SLC17A3: variants seen among roughly 807,000 people sequenced by gnomAD.
The protein encoded by SLC17A3 is sodium-dependent phosphate transport protein 4.
A neutral mutation model predicts 60.3 loss-of-function variants in SLC17A3; 61 were observed. The ratio of observed to expected loss-of-function variants is 1.01; its 90% CI spans 0.82 to 1.25. SLC17A3 has a LOEUF of 1.25. Among genes scored for constraint, SLC17A3 ranks in the 50% most tolerant of loss-of-function variants. The pLI is 0.00. For synonymous variants in SLC17A3, 192 were observed against 208.9 expected, an observed-to-expected ratio of 0.92 and a Z score of 0.70; for missense variants, 624 against 594.9, an observed-to-expected ratio of 1.05 and a Z score of -0.51.
chr6:25,853,767 C>T (rs1327928347), intron 6 of SLC17A3, among the ~76,000 whole-genome samples: 3 of 152,114 alleles, frequency 2.0e-5, no homozygotes, highest in Admixed American at 6.5e-5. Context: ...TTTAGGTTTA[C>T]TTAAATCATC....
intron 11 of SLC17A3, among the ~76,000 whole-genome samples, chr6:25,846,955 T>C (rs1238690742): frequency 1.3e-5 from 2 of 152,170 alleles, no homozygotes; most frequent in East Asian, 1.9e-4. Flanking sequence ...TAGAGGCACA[T>C]GTGCAGTTGT....
At chr6:25,859,457 C>G (rs751592001) in intron 5 of SLC17A3, among the ~76,000 whole-genome samples, 1 of 152,122 alleles carries the variant, frequency 6.6e-6, no homozygotes, top group Non-Finnish European at 1.5e-5. Context: ...CTTATTTTCC[C>G]CCCTAAAAAG....
At chr6:25,872,006 C>A (rs1010794859) in intron 1 of SLC17A3, among the ~76,000 whole-genome samples, 1 of 151,978 alleles carries the variant, frequency 6.6e-6, no homozygotes, top group African/African-American at 2.4e-5. Flanking sequence ...CTGGAACCAA[C>A]TCACTTGGGG....
chr6:25,855,636 C>T (rs1459456731), intron 5 of SLC17A3, among the ~76,000 whole-genome samples: 1 of 151,978 alleles, frequency 6.6e-6, no homozygotes, highest in Non-Finnish European at 1.5e-5. Context: ...TTCTTTTCTG[C>T]ACACATAAAT....
Position 25,850,047 on chromosome 6 carries a change from C to A in SLC17A3, c.1123+1G>T. On this transcript the variant is annotated splice_donor_variant, in intron 9 of 12. Coordinates refer to ENST00000397060, the MANE Select transcript of SLC17A3 (RefSeq NM_001098486.2). LOFTEE classifies it high-confidence loss of function. The stretch of plus-strand genomic sequence containing the variant: ...ATCTGACCCTCAAGCTCTGTTCTTA[C>A]CTAAAATTGTGGCAATTTTCCTCAC... 6.2e-7 allele frequency: 1 copy of A among 1,613,882 alleles called. No individual in the cohort carries two copies. Among genetic ancestry groups the A allele is most frequent in the South Asian group, 1.1e-5 (1 of 91,076 alleles).
intron 1 of SLC17A3, among the ~76,000 whole-genome samples, chr6:25,873,518 C>A (rs9467626): frequency 0.071 from 10,850 of 152,126 alleles, 423 homozygotes; most frequent in Non-Finnish European, 0.087. Context: ...TGAGGACTCC[C>A]TGATTCCCTC....
chr6:25,845,753 A>C (rs1765164375), intron 11 of SLC17A3, among the ~76,000 whole-genome samples: 1 of 152,214 alleles, frequency 6.6e-6, no homozygotes, highest in Admixed American at 6.5e-5. Flanking sequence ...TATTTATCCA[A>C]GTGCCATACA....
At chr6:25,855,025 G>T (rs1212497395) in intron 6 of SLC17A3, 119 bp downstream of exon 6, 1 of 737,694 alleles carries the variant, frequency 1.4e-6, no homozygotes, top group Non-Finnish European at 2.4e-6. Flanking sequence ...TAAGATATTT[G>T]GTTTTCTAGG....
At chr6:25,859,413 T>C (rs1205964444) in intron 5 of SLC17A3, among the ~76,000 whole-genome samples, 1 of 152,170 alleles carries the variant, frequency 6.6e-6, no homozygotes, top group Non-Finnish European at 1.5e-5. Flanking sequence ...TGGGAGTGTT[T>C]AGAGCACAGA....
chr6:25,852,064 C>T (rs927263200), intron 6 of SLC17A3, among the ~76,000 whole-genome samples: 21 of 149,042 alleles, frequency 1.4e-4, no homozygotes, highest in African/African-American at 4.9e-4. Context: ...GTTTTTGAAA[C>T]TTTTTTTTTT....
At chr6:25,855,396 T>C (rs717551) in intron 5 of SLC17A3, among the ~76,000 whole-genome samples, 166 bp from the exon 6 acceptor site, 24,327 of 152,238 alleles carry the variant, frequency 0.16, 2,533 homozygotes, top group Non-Finnish European at 0.21. Flanking sequence ...TATAATTTCA[T>C]ATGTTCTCCT....
chr6:25,849,436 T>C lies in SLC17A3; in HGVS notation c.1300A>G (p.Arg434Gly), dbSNP rs377727627. 12 of 1,612,624 alleles carry C rather than the reference T, an allele frequency of 7.4e-6. No individual in the cohort carries two copies. The highest frequency in any genetic ancestry group is 1.6e-4 in the Middle Eastern group (1 of 6,082). ...RYSSFLMGAS[R>G]GFSSIAPVIV... ...ACAGGTGCTATGCTCGAAAATCCTC[T>C]TGATGCTCCCATGAGAAAACTGGAA... The change falls in exon 11 of 13, where the codon AGA becomes GGA. Residue 434 changes from arginine (R) to glycine (G), a missense_variant. By Grantham distance (125) the Arg-to-Gly change is moderately radical. Transcript: ENST00000397060.
At chr6:25,845,347 G>A (rs1211374224) in intron 12 of SLC17A3, 33 bp downstream of exon 12, 1 of 1,612,548 alleles carries the variant, frequency 6.2e-7, no homozygotes, top group Non-Finnish European at 8.5e-7. Flanking sequence ...TGCTTCTATG[G>A]CTATAACCAT....
At chr6:25,855,023 T>C (rs1765335973) in intron 6 of SLC17A3, 121 bp downstream of exon 6, 1 of 734,688 alleles carries the variant, frequency 1.4e-6, no homozygotes, top group African/African-American at 1.8e-5. Context: ...ATTAAGATAT[T>C]TGGTTTTCTA....
rs753679881 is a variant in SLC17A3 at position 25,861,995 on chromosome 6, C to T, written c.338G>A (p.Gly113Asp). 6.2e-7 allele frequency: 1 copy of T among 1,610,002 alleles called. No homozygotes were observed. Among genetic ancestry groups the T allele is most frequent in the African/African-American group, 1.3e-5 (1 of 74,838 alleles). ...PVYDWSPQIQ[G>D]IIFGAVGYGG... is the part of the protein sequence containing the mutation. ...ATAGCCAACAGCACCAAAGATGATG[C>T]CTTGGATTTGAGGAGACCAGTCATA... Residue 113 changes from glycine to aspartate, a missense_variant, in exon 4 of 13, where the codon GGC (glycine) becomes GAC (aspartate). By Grantham distance (94) the Gly-to-Asp change is moderately conservative. Coordinates refer to ENST00000397060, the MANE Select transcript of SLC17A3 (RefSeq NM_001098486.2).
chr6:25,850,737 G>C, intron 7 of SLC17A3, 22 bp downstream of exon 7: 1 of 1,606,828 alleles, frequency 6.2e-7, no homozygotes, highest in South Asian at 1.1e-5. Context: ...TCTCAGAAAA[G>C]TGTTGGTGTC....
chr6:25,849,516 C>A (rs147457384), intron 10 of SLC17A3, 52 bp from the exon 11 acceptor site: 2 of 1,067,268 alleles, frequency 1.9e-6, no homozygotes, highest in Non-Finnish European at 1.5e-6. Flanking sequence ...TTGACAGTAT[C>A]CTTCAGCCCT....
chr6:25,845,899 T>C (rs1039181461), intron 11 of SLC17A3, among the ~76,000 whole-genome samples: 1 of 152,236 alleles, frequency 6.6e-6, no homozygotes, highest in Non-Finnish European at 1.5e-5. Flanking sequence ...GAATTCTGAT[T>C]GTTCATCCTT....
chr6:25,871,277 G>T (rs1765635832), intron 1 of SLC17A3, among the ~76,000 whole-genome samples: 1 of 151,910 alleles, frequency 6.6e-6, no homozygotes, highest in Non-Finnish European at 1.5e-5. Flanking sequence ...AAGAAAATGT[G>T]GCACATATAC....
Sources: allele counts gnomAD v4.1 joint callset (sites outside exome capture counted in the v4.1 genomes callset), GRCh38; gene constraint gnomAD v4.1.1; transcripts MANE v1.5; gene names NCBI Gene and HGNC (gene_info 2026-07-23, HGNC 2026-07-21).